Variants in CMIP observed in about 807,000 individuals in gnomAD.
CMIP encodes the protein c-Maf inducing protein.
In CMIP, 13 loss-of-function variants were observed where a neutral mutation model predicts 97.3. The observed-to-expected ratio is 0.13, with a 90% CI of 0.09 to 0.21. The LOEUF is 0.21. CMIP is among the 10% of genes least tolerant of loss of function. The pLI is 1.00. For missense variants in CMIP, 847 were observed against 1,024.9 expected (o/e 0.83, Z 2.37); for synonymous variants, 538 against 436.3 (o/e 1.23, Z -2.91).
chr16:81,452,135 C>G (rs527728066), intron 1 of CMIP, among the ~76,000 whole-genome samples: 11 of 152,188 alleles, frequency 7.2e-5, no homozygotes, highest in African/African-American at 2.7e-4. Flanking sequence ...GCACAGCGCT[C>G]GTCCTGGCAT....
rs903415482 is a variant in CMIP at position 81,710,004 on chromosome 16, A to G, written c.*205A>G. On this transcript the variant is annotated 3_prime_UTR_variant, in exon 21 of 21. Coordinates refer to ENST00000537098, the MANE Select transcript of CMIP (RefSeq NM_198390.3). Reference sequence around the variant, plus strand: ...CCCCGCCGAATTCTTTTAGCTTCGTAATTGGAACCTTTGACCTGATCTAAA... The same window carrying G: ...CCCCGCCGAATTCTTTTAGCTTCGTGATTGGAACCTTTGACCTGATCTAAA... The G allele has an allele frequency of 1.2e-5, 5 of 404,524 alleles. No individual in the cohort carries two copies. Among genetic ancestry groups the G allele is most frequent in the Non-Finnish European group, 2.3e-5 (5 of 216,444 alleles). 25.1% of individuals were successfully genotyped at this position (404,524 alleles called of 1,614,324 possible).
chr16:81,633,869 G>A (rs1002956131), intron 3 of CMIP, among the ~76,000 whole-genome samples: 3 of 152,194 alleles, frequency 2.0e-5, no homozygotes, highest in African/African-American at 7.2e-5. Context: ...GCCTGACACC[G>A]GCTGGAGGCA....
At chr16:81,500,528 C>T (rs1244606865) in intron 1 of CMIP, among the ~76,000 whole-genome samples, 4 of 140,826 alleles carry the variant, frequency 2.8e-5, no homozygotes, top group African/African-American at 5.3e-5. Context: ...CTCACTCTGT[C>T]GCCAGGCTGG....
chr16:81,650,246 C>T (rs1194214189), intron 3 of CMIP, among the ~76,000 whole-genome samples: 6 of 152,330 alleles, frequency 3.9e-5, no homozygotes, highest in Admixed American at 2.6e-4. Flanking sequence ...TTTCCCCTCC[C>T]GCTCCCTGGG....
At chr16:81,689,130 G>C (rs541821431) in intron 10 of CMIP, among the ~76,000 whole-genome samples, 154 of 152,330 alleles carry the variant, frequency 1.0e-3, no homozygotes, top group African/African-American at 3.6e-3. Flanking sequence ...ATGTGCATGT[G>C]TCTTTATAGC....
At chr16:81,708,146 G>T (rs1242958947) in intron 20 of CMIP, among the ~76,000 whole-genome samples, 1 of 152,246 alleles carries the variant, frequency 6.6e-6, no homozygotes, top group Non-Finnish European at 1.5e-5. Context: ...GGCGGGCAGA[G>T]GGCCTGGTGG....
intron 9 of CMIP, among the ~76,000 whole-genome samples, chr16:81,672,886 C>T (rs1008556588): frequency 1.3e-5 from 2 of 152,198 alleles, no homozygotes; most frequent in African/African-American, 2.4e-5. Flanking sequence ...TTTTCTTGAG[C>T]GCCTGCTGTG....
intron 2 of CMIP, among the ~76,000 whole-genome samples, chr16:81,608,505 C>G (rs144207206): frequency 8.2e-4 from 125 of 152,172 alleles, no homozygotes; most frequent in African/African-American, 3.0e-3. Context: ...TTTCCAGTAC[C>G]TTTTACAAAA....
intron 9 of CMIP, among the ~76,000 whole-genome samples, chr16:81,674,092 T>C (rs2092707219): frequency 6.6e-6 from 1 of 152,164 alleles, no homozygotes; most frequent in South Asian, 2.1e-4. Flanking sequence ...GTGACTCTTT[T>C]AATGCCCTCA....
chr16:81,481,905 G>T (rs551105197), intron 1 of CMIP, among the ~76,000 whole-genome samples: 2 of 150,268 alleles, frequency 1.3e-5, no homozygotes, highest in East Asian at 3.9e-4. Context: ...TTGAGAGGGG[G>T]TCTCACTCTG....
chr16:81,706,879 C>T (rs372355468), intron 19 of CMIP, 135 bp from the exon 20 acceptor site: 22 of 719,214 alleles, frequency 3.1e-5, no homozygotes, highest in African/African-American at 7.1e-5. Context: ...GCTGTGTCTA[C>T]GAAACCTCCC....
chr16:81,478,320 G>A (rs1908054389), intron 1 of CMIP, among the ~76,000 whole-genome samples: 1 of 152,234 alleles, frequency 6.6e-6, no homozygotes, highest in South Asian at 2.1e-4. Flanking sequence ...AAGCCGTAGA[G>A]TAGAACAGGG....
At chr16:81,459,000 C>A (rs564121644) in intron 1 of CMIP, among the ~76,000 whole-genome samples, 3 of 151,322 alleles carry the variant, frequency 2.0e-5, no homozygotes, top group Non-Finnish European at 4.4e-5. Flanking sequence ...ATCACTGTCA[C>A]CATCACCGTC....
chr16:81,530,100 C>T (rs540415748), intron 1 of CMIP, among the ~76,000 whole-genome samples: 9 of 152,234 alleles, frequency 5.9e-5, no homozygotes, highest in Admixed American at 2.6e-4. Flanking sequence ...TCAGTCAGGC[C>T]GCTATAAATT....
At chr16:81,447,979 G>A (rs1341663461) in intron 1 of CMIP, among the ~76,000 whole-genome samples, 2 of 152,236 alleles carry the variant, frequency 1.3e-5, no homozygotes, top group Admixed American at 1.3e-4. Flanking sequence ...TGGACATTAT[G>A]TAATCTGTCT....
In CMIP at chr16:81,672,122, A is replaced by G. The variant is rs373920550; in HGVS notation, c.1034+52A>G. 1.3e-5 allele frequency: 15 copies of G among 1,118,280 alleles called. No individual in the cohort carries two copies. The African/African-American group carries it at 2.3e-4, about 17-fold the overall frequency. 69.3% of individuals were successfully genotyped at this position (1,118,280 alleles called of 1,614,324 possible). ...GAGGGCTTGGGAGGGGCAAACTGCC[A>G]CCCCCATCATGGGCAAAGTCACCAA... On this transcript the variant is annotated intron_variant, in intron 9 of 20. Coordinates refer to ENST00000537098, the MANE Select transcript of CMIP (RefSeq NM_198390.3).
chr16:81,527,489 C>A (rs140689354), intron 1 of CMIP, among the ~76,000 whole-genome samples: 5 of 152,286 alleles, frequency 3.3e-5, no homozygotes, highest in African/African-American at 9.6e-5. Context: ...CAAAAGTACA[C>A]AACCAAATGA....
chr16:81,472,230 C>G (rs138001287), intron 1 of CMIP, among the ~76,000 whole-genome samples: 33 of 152,358 alleles, frequency 2.2e-4, no homozygotes, highest in African/African-American at 7.2e-4. Context: ...ACGTCTCTGC[C>G]TCAGTTTCCT....
At chr16:81,679,344 C>A (rs921663290) in intron 10 of CMIP, among the ~76,000 whole-genome samples, 1 of 152,038 alleles carries the variant, frequency 6.6e-6, no homozygotes, top group Non-Finnish European at 1.5e-5. Flanking sequence ...GCTGTGGCTG[C>A]ATGCATGTGG....
Sources: allele counts gnomAD v4.1 joint callset (sites outside exome capture counted in the v4.1 genomes callset), GRCh38; gene constraint gnomAD v4.1.1; transcripts MANE v1.5; gene names NCBI Gene and HGNC (gene_info 2026-07-23, HGNC 2026-07-21).